The following COLGALT2 variants were observed in gnomAD, a reference collection of about 807,000 sequenced individuals.
COLGALT2 encodes procollagen galactosyltransferase 2.
Under a neutral mutation model 73.4 loss-of-function variants are expected in COLGALT2, and 49 were observed. The ratio of observed to expected loss-of-function variants is 0.67; its 90% CI spans 0.53 to 0.85. The LOEUF is 0.85. COLGALT2 is among the 40% of genes least tolerant of loss of function. COLGALT2 has a pLI of 0.00. For missense variants in COLGALT2, 722 were observed against 790.2 expected, an observed-to-expected ratio of 0.91 and a Z score of 1.03; for synonymous variants, 295 against 307.6, an observed-to-expected ratio of 0.96 and a Z score of 0.43.
At chr1:184,007,505 T>C (rs1298017682) in intron 1 of COLGALT2, among the ~76,000 whole-genome samples, 3 of 152,188 alleles carry the variant, frequency 2.0e-5, no homozygotes, top group Non-Finnish European at 2.9e-5. Context: ...TTTTAAAATA[T>C]GAGAGTATTT....
At chr1:183,995,555 C>T (rs1434517583) in intron 1 of COLGALT2, among the ~76,000 whole-genome samples, 1 of 152,208 alleles carries the variant, frequency 6.6e-6, no homozygotes. Flanking sequence ...GCGCAGCCTC[C>T]GGAAGCCAGA....
intron 1 of COLGALT2, among the ~76,000 whole-genome samples, chr1:183,983,665 C>T (rs765185927): frequency 3.3e-5 from 5 of 152,186 alleles, no homozygotes; most frequent in Non-Finnish European, 7.3e-5. Context: ...ACCTCTGCGG[C>T]TGAGGTGGAT....
Position 183,948,694 on chromosome 1 carries a change from A to G in COLGALT2, c.1136+2313T>C, listed in dbSNP as rs147917343. Among the ~76,000 whole-genome samples the G allele has an allele frequency of 3.0e-3, 455 of 152,320 alleles. 4 individuals are homozygous for G. The highest frequency in any genetic ancestry group is 0.011 in the African/African-American group (439 of 41,582). On this transcript the variant is annotated intron_variant, in intron 8 of 11. Transcript: ENST00000361927. ...GAAACTGCACTCAACAGTTCTATTC[A>G]ACATTGTACTTGATGATCCAGCAAG...
At chr1:184,035,746 T>C (rs576343684) in intron 1 of COLGALT2, among the ~76,000 whole-genome samples, 16 of 152,274 alleles carry the variant, frequency 1.1e-4, no homozygotes, top group South Asian at 6.2e-4. Context: ...GTAACTGATA[T>C]GTGTGAATTT....
rs928769593 is a variant in COLGALT2 at position 183,936,502 on chromosome 1, A to T, written c.*2259T>A. 1.3e-5 allele frequency: 13 copies of T among 1,010,154 alleles called. No homozygotes were observed. The highest frequency in any genetic ancestry group is 1.4e-5 in the Non-Finnish European group (12 of 846,358). The allele number at this position is 1,010,154 out of a possible 1,614,324, so 62.6% of individuals were successfully genotyped here. A position where few individuals can be genotyped will look rare whatever the true frequency, so the allele number is the denominator to read the frequency against. ...AAGAATGAGAGTTCTTAAATCTGTC[A>T]GACCAGCTGACAGGGGAACAGGAAA... On this transcript the variant is annotated 3_prime_UTR_variant, in exon 12 of 12. Coordinates refer to ENST00000361927, the MANE Select transcript of COLGALT2 (RefSeq NM_015101.4).
intron 8 of COLGALT2, 50 bp from the exon 9 acceptor site, chr1:183,945,614 C>T (rs1295563236): frequency 1.2e-6 from 2 of 1,605,624 alleles, no homozygotes; most frequent in Non-Finnish European, 1.7e-6. Flanking sequence ...AGGTCCCCAC[C>T]ACAAAGGCCA....
chr1:183,939,805 C>T (rs543143042), intron 11 of COLGALT2, among the ~76,000 whole-genome samples: 23 of 152,254 alleles, frequency 1.5e-4, no homozygotes, highest in Admixed American at 1.1e-3. Context: ...AAGGTTAGAA[C>T]GAATGCTGCT....
chr1:183,951,403 T>C (rs1248448535), intron 7 of COLGALT2, among the ~76,000 whole-genome samples: 1 of 152,208 alleles, frequency 6.6e-6, no homozygotes, highest in African/African-American at 2.4e-5. Context: ...TTTAAAAAAC[T>C]ACTCTTTAAG....
intron 6 of COLGALT2, among the ~76,000 whole-genome samples, chr1:183,958,234 C>G (rs1418556617): frequency 1.3e-5 from 2 of 152,250 alleles, no homozygotes; most frequent in Admixed American, 6.5e-5. Context: ...ACTCTGATTT[C>G]TAAAACTCCA....
intron 3 of COLGALT2, among the ~76,000 whole-genome samples, chr1:183,974,231 C>T (rs1385752946): frequency 6.6e-6 from 1 of 152,150 alleles, no homozygotes; most frequent in East Asian, 1.9e-4. Flanking sequence ...ATTATATCAA[C>T]CCATGCTAAC....
At chr1:184,000,988 C>A (rs1198603518) in intron 1 of COLGALT2, among the ~76,000 whole-genome samples, 2 of 152,120 alleles carry the variant, frequency 1.3e-5, no homozygotes, top group African/African-American at 2.4e-5. Flanking sequence ...CGCCACCACG[C>A]CTGGCTAATT....
Position 183,969,190 on chromosome 1 carries a change from T to TA in COLGALT2, c.832+78dup, listed in dbSNP as rs1670964760. ...CCAGACATATGAGGGTTTTTTTTTT[T>TA]AATAAAATGCACAAAACAAAGGAGC... On this transcript the variant is annotated intron_variant, in intron 5 of 11. Transcript: ENST00000361927. The TA allele has an allele frequency of 2.4e-5, 31 of 1,277,510 alleles. 1 individual carries two copies. The South Asian group carries it at 4.3e-4, about 18-fold the overall frequency. 79.1% of individuals were successfully genotyped at this position (1,277,510 alleles called of 1,614,324 possible).
intron 1 of COLGALT2, among the ~76,000 whole-genome samples, chr1:183,994,274 G>A (rs1180375694): frequency 2.0e-5 from 3 of 151,758 alleles, no homozygotes; most frequent in Non-Finnish European, 2.9e-5. Context: ...TCCTGACCTC[G>A]TGATCCACCC....
At chr1:183,957,374 C>T (rs774881634) in intron 6 of COLGALT2, among the ~76,000 whole-genome samples, 6 of 152,180 alleles carry the variant, frequency 3.9e-5, no homozygotes, top group Non-Finnish European at 7.3e-5. Flanking sequence ...ATCCCCAGAG[C>T]TAGTCCTTGG....
chr1:184,030,846 C>T (rs934292883), intron 1 of COLGALT2, among the ~76,000 whole-genome samples: 1 of 152,166 alleles, frequency 6.6e-6, no homozygotes, highest in African/African-American at 2.4e-5. Flanking sequence ...AAAACAGCTA[C>T]ACAGGATTAA....
chr1:183,969,545 C>G, intron 4 of COLGALT2, 72 bp from the exon 5 acceptor site: 1 of 1,371,922 alleles, frequency 7.3e-7, no homozygotes, highest in Non-Finnish European at 1.0e-6. Flanking sequence ...ATTTGCTAGA[C>G]TGATTCCTTT....
At chr1:184,030,339 A>T (rs992273731) in intron 1 of COLGALT2, among the ~76,000 whole-genome samples, 14 of 152,226 alleles carry the variant, frequency 9.2e-5, no homozygotes, top group Admixed American at 6.5e-4. Context: ...CACATATGGT[A>T]AAAGTTCTTC....
intron 1 of COLGALT2, among the ~76,000 whole-genome samples, chr1:184,020,092 C>T (rs1463638868): frequency 6.6e-6 from 1 of 152,128 alleles, no homozygotes; most frequent in Non-Finnish European, 1.5e-5. Flanking sequence ...TATGTTTTGT[C>T]TAATTTTGTT....
At chr1:183,991,654 C>A (rs2102830405) in intron 1 of COLGALT2, among the ~76,000 whole-genome samples, 1 of 152,268 alleles carries the variant, frequency 6.6e-6, no homozygotes, top group South Asian at 2.1e-4. Flanking sequence ...GTCTGGTCTT[C>A]CCATATCACT....
Sources: allele counts gnomAD v4.1 joint callset (sites outside exome capture counted in the v4.1 genomes callset), GRCh38; gene constraint gnomAD v4.1.1; transcripts MANE v1.5; gene names NCBI Gene and HGNC (gene_info 2026-07-23, HGNC 2026-07-21).